Variants in EYS observed in about 807,000 individuals in gnomAD.
EYS encodes the protein EGF-like photoreceptor maintenance factor, also known as protein eyes shut homolog.
A neutral mutation model predicts 282.1 loss-of-function variants in EYS; 250 were observed. The ratio of observed to expected loss-of-function variants is 0.89; its 90% CI spans 0.80 to 0.98. The LOEUF is 0.98. EYS is among the 50% of genes least tolerant of loss of function. EYS has a pLI of 0.00. For missense variants in EYS, 4,016 were observed against 3,709.0 expected, an observed-to-expected ratio of 1.08 and a Z score of -2.15; for synonymous variants, 1,355 against 1,282.9, an observed-to-expected ratio of 1.06 and a Z score of -1.20.
chr6:65,608,147 T>C (rs2149793527), intron 2 of EYS, among the ~76,000 whole-genome samples: 1 of 152,090 alleles, frequency 6.6e-6, no homozygotes, highest in East Asian at 1.9e-4. Context: ...TCACAGAGTG[T>C]ACTTACAGAA....
At chr6:65,262,080 T>C (rs554076497) in intron 12 of EYS, among the ~76,000 whole-genome samples, 1 of 152,166 alleles carries the variant, frequency 6.6e-6, no homozygotes, top group Non-Finnish European at 1.5e-5. Flanking sequence ...CTGTATCCCA[T>C]CCCTAAATCT....
chr6:65,560,633 T>G (rs1769017349), intron 2 of EYS, among the ~76,000 whole-genome samples: 1 of 151,764 alleles, frequency 6.6e-6, no homozygotes, highest in South Asian at 2.1e-4. Flanking sequence ...CAGACATAAT[T>G]CTGCATGTCT....
intron 29 of EYS, among the ~76,000 whole-genome samples, chr6:64,310,696 T>C (rs1769659799): frequency 6.6e-6 from 1 of 152,116 alleles, no homozygotes; most frequent in South Asian, 2.1e-4. Flanking sequence ...GACAACAGTT[T>C]ACCTATAAAC....
intron 5 of EYS, among the ~76,000 whole-genome samples, chr6:65,424,429 CCTTT>C (rs1435762872): frequency 6.6e-6 from 1 of 151,830 alleles, no homozygotes; most frequent in East Asian, 1.9e-4. Flanking sequence ...AATAATGCTT[CCTTT>C]GTTACTTCCT....
chr6:63,785,737 G>A (rs779740267), intron 39 of EYS, among the ~76,000 whole-genome samples: 3 of 152,114 alleles, frequency 2.0e-5, no homozygotes, highest in Non-Finnish European at 2.9e-5. Flanking sequence ...GGCTGGGCAC[G>A]GTGGCTCAAG....
chr6:65,214,820 C>T (rs1170372675), intron 12 of EYS, among the ~76,000 whole-genome samples: 1 of 152,268 alleles, frequency 6.6e-6, no homozygotes, highest in Non-Finnish European at 1.5e-5. Flanking sequence ...ATTCAGAATA[C>T]CGTTCTGAAA....
At chr6:64,336,097 C>T (rs1261083064) in intron 29 of EYS, among the ~76,000 whole-genome samples, 2 of 151,974 alleles carry the variant, frequency 1.3e-5, no homozygotes, top group Non-Finnish European at 2.9e-5. Flanking sequence ...GGTACACAGG[C>T]AACAAATAGC....
chr6:64,829,971 C>T (rs9453078), intron 19 of EYS, among the ~76,000 whole-genome samples: 42,860 of 151,718 alleles, frequency 0.28, 6,339 homozygotes, highest in East Asian at 0.37. Context: ...GCTCTTTGTG[C>T]TAAGAAACTA....
chr6:64,250,984 T>A (rs1417269960), intron 30 of EYS, among the ~76,000 whole-genome samples: 1 of 152,094 alleles, frequency 6.6e-6, no homozygotes, highest in Non-Finnish European at 1.5e-5. Context: ...ATCAAAAGGC[T>A]CTGAGGGAAA....
chr6:64,137,960 GT>G (rs1416940871), intron 31 of EYS, among the ~76,000 whole-genome samples: 21 of 152,250 alleles, frequency 1.4e-4, no homozygotes, highest in African/African-American at 4.6e-4. Flanking sequence ...GCACAATAAA[GT>G]GAGGCATGCC....
intron 35 of EYS, among the ~76,000 whole-genome samples, chr6:63,899,375 C>T (rs1203638318): frequency 6.6e-6 from 1 of 152,042 alleles, no homozygotes; most frequent in Non-Finnish European, 1.5e-5. Flanking sequence ...GGCAGGGCAC[C>T]AAATGTCACT....
chr6:64,623,053 G>A (rs1345210673), intron 23 of EYS, among the ~76,000 whole-genome samples: 1 of 152,134 alleles, frequency 6.6e-6, no homozygotes, highest in Admixed American at 6.6e-5. Context: ...ACAGTGTTTA[G>A]AATTGCTAAC....
Position 64,612,880 on chromosome 6 carries a change from G to GA in EYS, c.3684+4537dup, listed in dbSNP as rs35718571. ...AGTAGCTTAAATAAAAGGAATCTGGGAAAAAAGTGCCATTTTTCTGAAGAT... is the reference window on the plus strand; with the variant it reads ...AGTAGCTTAAATAAAAGGAATCTGGGAAAAAAAGTGCCATTTTTCTGAAGAT... On this transcript the variant is annotated intron_variant, in intron 24 of 42. Coordinates refer to ENST00000503581, the MANE Select transcript of EYS (RefSeq NM_001142800.2). Among the ~76,000 whole-genome samples, 1,045 of 152,072 alleles carry GA rather than the reference G, an allele frequency of 6.9e-3. 14 individuals are homozygous for GA. The highest frequency in any genetic ancestry group is 0.024 in the African/African-American group (980 of 41,516).
intron 26 of EYS, among the ~76,000 whole-genome samples, chr6:64,471,586 G>A (rs773250346): frequency 3.3e-5 from 5 of 152,048 alleles, no homozygotes; most frequent in Non-Finnish European, 7.4e-5. Context: ...AATTGAAGGG[G>A]CCACAAGCAA....
chr6:64,142,387 G>T (rs1774365854), intron 31 of EYS, among the ~76,000 whole-genome samples: 1 of 152,010 alleles, frequency 6.6e-6, no homozygotes, highest in African/African-American at 2.4e-5. Context: ...CCAGAAAAGT[G>T]CTACAAGACC....
intron 12 of EYS, 76 bp from the exon 13 acceptor site, chr6:65,057,803 A>G: frequency 9.9e-7 from 1 of 1,014,112 alleles, no homozygotes; most frequent in East Asian, 2.6e-5. Context: ...TTAAATTTGC[A>G]CAAGCCTTTA....
chr6:64,664,987 AT>A (rs1481627053), intron 22 of EYS, among the ~76,000 whole-genome samples: 2 of 152,238 alleles, frequency 1.3e-5, no homozygotes, highest in African/African-American at 4.8e-5. Context: ...GAGTACATCA[AT>A]TTCTTGCATA....
chr6:65,627,780 C>T (rs12211326), intron 2 of EYS, among the ~76,000 whole-genome samples: 54,197 of 152,142 alleles, frequency 0.36, 12,039 homozygotes, highest in Non-Finnish European at 0.49. Flanking sequence ...TGCCTTCCCG[C>T]GGGGTAGGGC....
Position 64,111,808 on chromosome 6 carries a change from G to A in EYS, c.6425-29806C>T, listed in dbSNP as rs761588977. ...GATTTAAATTCTGGTTGAAAGTCCT[G>A]TGAAATGGTAGAGAAGAATGAAAAT... is the stretch of plus-strand genomic sequence containing the variant. On this transcript the variant is annotated intron_variant, in intron 31 of 42. Transcript: ENST00000503581. Among the ~76,000 whole-genome samples, 4 of 152,106 alleles carry A rather than the reference G, an allele frequency of 2.6e-5. No homozygotes were observed. The East Asian group carries it at 7.7e-4, about 29-fold the overall frequency.
Sources: gnomAD v4.1 joint callset for allele counts (sites outside exome capture counted in the v4.1 genomes callset) on GRCh38, gnomAD v4.1.1 for gene constraint, MANE v1.5 for transcripts, NCBI Gene and HGNC (gene_info 2026-07-23, HGNC 2026-07-21) for gene names.